Variants in BTAF1 observed in about 807,000 individuals in gnomAD.
The protein encoded by BTAF1 is TATA-binding protein-associated factor 172.
BTAF1 carries 38 observed loss-of-function variants against 227.1 expected under a neutral mutation model. That is an observed-to-expected ratio of 0.17 (90% CI 0.13 to 0.22). The LOEUF (loss-of-function observed/expected upper bound fraction) is 0.22, where lower values mean the gene tolerates loss of function less well. Among genes scored for constraint, BTAF1 ranks in the 10% least tolerant of loss-of-function variants. The probability of loss-of-function intolerance (pLI) is 1.00; values close to 1 mark genes in which losing one functional copy is unlikely to be tolerated. For synonymous variants in BTAF1, 742 were observed against 751.9 expected (o/e 0.99, Z 0.21); for missense variants, 1,598 against 2,204.0 (o/e 0.73, Z 5.51).
In BTAF1 at chr10:92,009,221, T is replaced by C; in HGVS notation, c.4103+13T>C. On this transcript the variant is annotated intron_variant, in intron 28 of 37. Coordinates refer to ENST00000265990, the MANE Select transcript of BTAF1 (RefSeq NM_003972.3). ...CTGAAAGAATAAGGTAAGAGTTGTA[T>C]GACAATAACAAAATATTTCATCTGT... is the stretch of plus-strand genomic sequence containing the variant. 6.2e-7 allele frequency: 1 copy of C among 1,605,780 alleles called. No individual in the cohort carries two copies.
At chr10:91,938,975 CAAAA>C (rs58534811) in intron 2 of BTAF1, among the ~76,000 whole-genome samples, 5 of 89,518 alleles carry the variant, frequency 5.6e-5, no homozygotes, top group African/African-American at 1.9e-4. Flanking sequence ...TCCATTTCTG[CAAAA>C]AAAAAAAAAA....
chr10:92,004,124 A>G (rs1321654228), intron 25 of BTAF1, among the ~76,000 whole-genome samples: 1 of 152,046 alleles, frequency 6.6e-6, no homozygotes, highest in Non-Finnish European at 1.5e-5. Flanking sequence ...TATTTTAGAT[A>G]CTAACCTCTT....
At chr10:91,990,344 C>G (rs912053990) in intron 20 of BTAF1, among the ~76,000 whole-genome samples, 2 of 152,068 alleles carry the variant, frequency 1.3e-5, no homozygotes, top group Non-Finnish European at 2.9e-5. Context: ...CATTCTCCCC[C>G]CTCTTACCCC....
Position 91,984,321 on chromosome 10 carries a change from A to C in BTAF1, c.2344A>C (p.Ile782Leu). The C allele has an allele frequency of 1.2e-6, 2 of 1,613,710 alleles. No homozygotes were observed. The highest frequency in any genetic ancestry group is 8.5e-7 in the Non-Finnish European group (1 of 1,179,760). Residue 782 changes from isoleucine to leucine, a missense_variant, in exon 19 of 38, where the codon ATA (isoleucine) becomes CTA (leucine). Transcript: ENST00000265990. ...TRMQNECKQL[I>L]SSLADVHIEV... ...AATGCAGAATGAATGTAAACAACTT[A>C]TATCATCATTAGCTGATGTACATAT... is the stretch of plus-strand genomic sequence containing the variant.
At chr10:91,924,497 C>G (rs1033493793) in intron 1 of BTAF1, among the ~76,000 whole-genome samples, 3 of 152,168 alleles carry the variant, frequency 2.0e-5, no homozygotes, top group Non-Finnish European at 4.4e-5. Context: ...TTACTATTAT[C>G]TAAGAGACCG....
intron 32 of BTAF1, 65 bp from the exon 33 acceptor site, chr10:92,016,275 T>G (rs1335252772): frequency 3.2e-6 from 5 of 1,542,858 alleles, no homozygotes; most frequent in Non-Finnish European, 4.3e-6. Context: ...CCTTTGCTGG[T>G]TATGTGTTTT....
chr10:91,941,715 G>A (rs7089991), intron 3 of BTAF1, among the ~76,000 whole-genome samples: 152,349 of 152,362 alleles, frequency 1, 76,168 homozygotes, highest in Middle Eastern at 1. Context: ...ACTGAGCACT[G>A]TAATAAACTC....
At chr10:91,970,441 A>G (rs1847210667) in intron 14 of BTAF1, among the ~76,000 whole-genome samples, 1 of 152,220 alleles carries the variant, frequency 6.6e-6, no homozygotes, top group African/African-American at 2.4e-5. Flanking sequence ...CCTCACAATC[A>G]TGGTGGAAGG....
At chr10:92,006,522 C>T (rs1351701367) in intron 25 of BTAF1, among the ~76,000 whole-genome samples, 2 of 152,140 alleles carry the variant, frequency 1.3e-5, no homozygotes, top group African/African-American at 2.4e-5. Context: ...TAACATCATG[C>T]GTCAGTCATT....
chr10:92,027,006 G>A, intron 36 of BTAF1, 124 bp from the exon 37 acceptor site: 1 of 1,086,886 alleles, frequency 9.2e-7, no homozygotes, highest in South Asian at 1.7e-5. Context: ...CATGTGGCCA[G>A]ACAAAATAAA....
intron 35 of BTAF1, 24 bp downstream of exon 35, chr10:92,024,991 T>TA: frequency 1.3e-6 from 2 of 1,575,446 alleles, no homozygotes; most frequent in Non-Finnish European, 1.7e-6. Flanking sequence ...AAGACTCTTA[T>TA]TCATAAATAA....
At chr10:91,928,243 T>A (rs1389640229) in intron 1 of BTAF1, among the ~76,000 whole-genome samples, 1 of 152,150 alleles carries the variant, frequency 6.6e-6, no homozygotes, top group Non-Finnish European at 1.5e-5. Context: ...TTACTGTACT[T>A]TCAGTTGTAA....
chr10:91,936,214 T>C (rs551829059), intron 2 of BTAF1, among the ~76,000 whole-genome samples: 134 of 152,310 alleles, frequency 8.8e-4, no homozygotes, highest in African/African-American at 3.1e-3. Context: ...GTATCAGTGT[T>C]TTCATAATCC....
At chr10:92,003,640 A>G (rs1849698010) in intron 25 of BTAF1, among the ~76,000 whole-genome samples, 1 of 152,330 alleles carries the variant, frequency 6.6e-6, no homozygotes, top group Admixed American at 6.5e-5. Flanking sequence ...TTCTTTATCC[A>G]TTCATCACAT....
chr10:91,955,982 G>C (rs529953470), intron 6 of BTAF1, among the ~76,000 whole-genome samples: 1 of 152,144 alleles, frequency 6.6e-6, no homozygotes, highest in South Asian at 2.1e-4. Context: ...AGTTTGACTT[G>C]TCCTCTCCTT....
At chr10:92,005,620 G>A (rs1026662803) in intron 25 of BTAF1, among the ~76,000 whole-genome samples, 14 of 152,004 alleles carry the variant, frequency 9.2e-5, no homozygotes, top group African/African-American at 3.1e-4. Context: ...CACATAGATT[G>A]TTGTGTCAGG....
intron 6 of BTAF1, 106 bp downstream of exon 6, chr10:91,953,979 A>T: frequency 6.9e-7 from 1 of 1,448,170 alleles, no homozygotes; most frequent in Non-Finnish European, 9.4e-7. Flanking sequence ...TTAGCTGGGG[A>T]GTACTGTTTG....
At position 92,030,846 on chromosome 10, in the gene BTAF1, A is replaced by G. The variant is rs565803126; in HGVS notation, c.*1913A>G. ...GTAAAATAGTAAATCACACATTCCA[A>G]CTTTTCCATAGAAAGGAAAACATGT... On this transcript the variant is annotated 3_prime_UTR_variant, in exon 38 of 38. Transcript: ENST00000265990. Among the ~76,000 whole-genome samples the G allele has an allele frequency of 3.3e-5, 5 of 152,184 alleles. No homozygotes were observed. Among genetic ancestry groups the G allele is most frequent in the African/African-American group, 4.8e-5 (2 of 41,452 alleles).
chr10:91,994,912 G>T (rs186966208), intron 23 of BTAF1, among the ~76,000 whole-genome samples: 86 of 152,310 alleles, frequency 5.6e-4, no homozygotes, highest in Non-Finnish European at 7.3e-4. Flanking sequence ...ACAGGAGCCA[G>T]ATGTAAATAG....
Sources: gnomAD v4.1 joint callset for allele counts (sites outside exome capture counted in the v4.1 genomes callset) on GRCh38, gnomAD v4.1.1 for gene constraint, MANE v1.5 for transcripts, NCBI Gene and HGNC (gene_info 2026-07-23, HGNC 2026-07-21) for gene names.